GFRA1: variants seen among roughly 807,000 people sequenced by gnomAD.
GFRA1 encodes the protein GDNF family receptor alpha 1, also known as GDNF family receptor alpha-1.
A neutral mutation model predicts 51.6 loss-of-function variants in GFRA1; 16 were observed. That is an observed-to-expected ratio of 0.31 (90% CI 0.21 to 0.47). The LOEUF is 0.47. Ranked by LOEUF, GFRA1 falls within the 20% of genes least tolerant of loss-of-function variation. The pLI is 1.00. For missense variants in GFRA1, 530 were observed against 594.3 expected (o/e 0.89, Z 1.13); for synonymous variants, 270 against 241.3 (o/e 1.12, Z -1.10).
At chr10:116,082,784 C>G (rs1039982978) in intron 9 of GFRA1, among the ~76,000 whole-genome samples, 33 of 151,632 alleles carry the variant, frequency 2.2e-4, no homozygotes, top group African/African-American at 8.1e-4. Flanking sequence ...AGCCTCAAAC[C>G]CTTCTTATTA....
intron 4 of GFRA1, among the ~76,000 whole-genome samples, chr10:116,214,537 G>A (rs893161519): frequency 1.3e-5 from 2 of 152,202 alleles, no homozygotes; most frequent in East Asian, 1.9e-4. Flanking sequence ...GTTAAAGGCT[G>A]AGCCAGGACC....
chr10:116,183,025 A>G (rs754590175), intron 5 of GFRA1, among the ~76,000 whole-genome samples: 3 of 152,196 alleles, frequency 2.0e-5, no homozygotes, highest in African/African-American at 7.2e-5. Flanking sequence ...GTCTGGCTGG[A>G]CAGACACATT....
intron 5 of GFRA1, among the ~76,000 whole-genome samples, chr10:116,139,989 T>C (rs1449308405): frequency 6.6e-6 from 1 of 152,206 alleles, no homozygotes; most frequent in Non-Finnish European, 1.5e-5. Flanking sequence ...AAAAAATGAA[T>C]GATAAATGGG....
rs756377767 is a variant in GFRA1 at position 116,225,534 on chromosome 10, CAAAAAAAA to C, written c.419-13897_419-13890del. ...TGGCGACAGAGCAAGAGTCTGTCTC[CAAAAAAAA>C]AAAAAAAAAAAAAAAAAACTAAAAT... On this transcript the variant is annotated intron_variant, in intron 4 of 10. Transcript: ENST00000355422. Among the ~76,000 whole-genome samples, 29 of 63,962 alleles carry C rather than the reference CAAAAAAAA, an allele frequency of 4.5e-4. No individual in the cohort carries two copies. In the South Asian group the frequency reaches 0.015, roughly 33 times the overall value. 42.0% of individuals were successfully genotyped at this position (63,962 alleles called of 152,430 possible). A position where few individuals can be genotyped will look rare whatever the true frequency, so the allele number is the denominator to read the frequency against.
At chr10:116,119,731 T>A (rs1408383245) in intron 6 of GFRA1, among the ~76,000 whole-genome samples, 1 of 152,172 alleles carries the variant, frequency 6.6e-6, no homozygotes, top group Non-Finnish European at 1.5e-5. Flanking sequence ...CAGTTTATTG[T>A]GTGAAGGGGG....
intron 5 of GFRA1, among the ~76,000 whole-genome samples, chr10:116,200,313 G>A (rs960641546): frequency 2.0e-5 from 3 of 152,190 alleles, no homozygotes; most frequent in African/African-American, 7.2e-5. Flanking sequence ...AGATGACTAT[G>A]TAATGTACTC....
At chr10:116,131,584 A>G (rs1958104121) in intron 5 of GFRA1, among the ~76,000 whole-genome samples, 2 of 152,250 alleles carry the variant, frequency 1.3e-5, no homozygotes, top group Admixed American at 1.3e-4. Flanking sequence ...AGAAATAAGA[A>G]GAGATGAACT....
At chr10:116,257,185 C>T (rs1968929291) in intron 4 of GFRA1, among the ~76,000 whole-genome samples, 1 of 152,164 alleles carries the variant, frequency 6.6e-6, no homozygotes, top group Admixed American at 6.5e-5. Context: ...TACCACAAGC[C>T]AAAATGCCTC....
At chr10:116,140,814 C>G (rs770026005) in intron 5 of GFRA1, among the ~76,000 whole-genome samples, 31 of 152,218 alleles carry the variant, frequency 2.0e-4, no homozygotes, top group Non-Finnish European at 4.0e-4. Context: ...AATGTGATTA[C>G]AAGCCCTACA....
chr10:116,091,050 C>A (rs1395845596), intron 8 of GFRA1, among the ~76,000 whole-genome samples: 2 of 152,192 alleles, frequency 1.3e-5, no homozygotes, highest in Non-Finnish European at 2.9e-5. Flanking sequence ...GAAAGAGGCA[C>A]ACAGGGACCA....
At chr10:116,160,298 T>C (rs907711433) in intron 5 of GFRA1, among the ~76,000 whole-genome samples, 2 of 152,266 alleles carry the variant, frequency 1.3e-5, no homozygotes, top group Admixed American at 1.3e-4. Flanking sequence ...TTTCAAAAGA[T>C]ATTGTCAAAT....
chr10:116,185,844 G>T (rs1299577151), intron 5 of GFRA1, among the ~76,000 whole-genome samples: 2 of 152,140 alleles, frequency 1.3e-5, no homozygotes, highest in Non-Finnish European at 2.9e-5. Context: ...TATTATTGTC[G>T]CTGTTTTAAT....
intron 9 of GFRA1, among the ~76,000 whole-genome samples, chr10:116,086,420 C>G (rs1375764693): frequency 6.6e-6 from 1 of 152,220 alleles, no homozygotes; most frequent in African/African-American, 2.4e-5. Context: ...TCAACTCCGG[C>G]AGCTAAGCCA....
At position 116,064,368 on chromosome 10, in the gene GFRA1, A is replaced by G; in HGVS notation, c.*30T>C. 2 of 1,599,806 alleles carry G rather than the reference A, an allele frequency of 1.3e-6. No individual in the cohort carries two copies. Among genetic ancestry groups the G allele is most frequent in the Non-Finnish European group, 1.7e-6 (2 of 1,169,462 alleles). ...CAGATAACTTGGTTTTTGTCTTTTT[A>G]CATGTCCATATTGTATTTTTTTAAT... On this transcript the variant is annotated 3_prime_UTR_variant, in exon 11 of 11. Transcript: ENST00000355422.
At chr10:116,191,288 A>G (rs1202114020) in intron 5 of GFRA1, among the ~76,000 whole-genome samples, 3 of 152,260 alleles carry the variant, frequency 2.0e-5, no homozygotes, top group Non-Finnish European at 4.4e-5. Context: ...AGGTAGATGT[A>G]ATCACCATAA....
chr10:116,214,008 C>T (rs1307706577), intron 4 of GFRA1, among the ~76,000 whole-genome samples: 2 of 152,208 alleles, frequency 1.3e-5, no homozygotes, highest in African/African-American at 4.8e-5. Flanking sequence ...TCTCTAACCT[C>T]AGTAATTCAT....
chr10:116,203,680 G>C (rs535178753), intron 5 of GFRA1, among the ~76,000 whole-genome samples: 5 of 152,270 alleles, frequency 3.3e-5, no homozygotes, highest in Admixed American at 1.3e-4. Context: ...AATCTAGCCC[G>C]AGGACAAACT....
At chr10:116,102,636 A>G (rs1484324423) in intron 6 of GFRA1, among the ~76,000 whole-genome samples, 1 of 152,252 alleles carries the variant, frequency 6.6e-6, no homozygotes, top group African/African-American at 2.4e-5. Context: ...AGGCAAGAGA[A>G]GAATGAGAAC....
intron 6 of GFRA1, among the ~76,000 whole-genome samples, chr10:116,102,894 A>G (rs1026887518): frequency 1.7e-4 from 26 of 152,226 alleles, no homozygotes; most frequent in Admixed American, 8.5e-4. Flanking sequence ...ATCTACTTGT[A>G]TAAGTCGCTG....
Sources: allele counts gnomAD v4.1 joint callset (sites outside exome capture counted in the v4.1 genomes callset), GRCh38; gene constraint gnomAD v4.1.1; transcripts MANE v1.5; gene names NCBI Gene and HGNC (gene_info 2026-07-23, HGNC 2026-07-21).